ZNF557: variants seen among roughly 807,000 people sequenced by gnomAD.
The protein encoded by ZNF557 is zinc finger protein 557.
In ZNF557, 19 loss-of-function variants were observed where a neutral mutation model predicts 21.2. That is an observed-to-expected ratio of 0.90 (90% CI 0.63 to 1.32). The LOEUF is 1.32. Among genes scored for constraint, ZNF557 ranks in the 40% most tolerant of loss-of-function variants. The pLI, the probability that ZNF557 is intolerant of heterozygous loss-of-function variation, is 0.00. For synonymous variants in ZNF557, 207 were observed against 194.8 expected, an observed-to-expected ratio of 1.06 and a Z score of -0.52; for missense variants, 487 against 519.8, an observed-to-expected ratio of 0.94 and a Z score of 0.61.
Position 7,083,465 on chromosome 19 carries a change from C to G in ZNF557, c.1014C>G (p.His338Gln). The G allele has an allele frequency of 6.2e-7, 1 of 1,614,150 alleles. No homozygotes were observed. ...GGAGGAGGTCGAATCTGACACAGCA[C>G]ATAAGAACTCATACTGGAGAAAAAC... Reference protein sequence around the residue: ...TFRRRSNLTQHIRTHTGEKPY... With the variant: ...TFRRRSNLTQQIRTHTGEKPY... Residue 338 changes from histidine (H) to glutamine (Q), a missense_variant, in exon 8 of 8, where the codon CAC becomes CAG. Coordinates refer to ENST00000252840, the MANE Select transcript of ZNF557 (RefSeq NM_024341.3).
rs1427407291 is a variant in ZNF557 at position 7,087,490 on chromosome 19, T to C, written c.*3746T>C. 4 of 150,456 alleles carry C rather than the reference T, an allele frequency of 2.7e-5. No homozygotes were observed. Among genetic ancestry groups the C allele is most frequent in the Non-Finnish European group, 5.9e-5 (4 of 67,742 alleles). The allele number at this position is 150,456 out of a possible 1,614,324, so 9.3% of individuals were successfully genotyped here. A position where few individuals can be genotyped will look rare whatever the true frequency, so the allele number is the denominator to read the frequency against. ...GGGCAGAGGTTGCAGTGAGCCAAGG[T>C]TGACCCACTGCACTCCAGCCTGGGC... On this transcript the variant is annotated 3_prime_UTR_variant, in exon 8 of 8. Coordinates refer to ENST00000252840, the MANE Select transcript of ZNF557 (RefSeq NM_024341.3).
chr19:7,076,483 A>C lies in ZNF557; in HGVS notation c.223A>C (p.Asn75His). The change falls in exon 5 of 8, where the codon AAC (asparagine) becomes CAC (histidine). Residue 75 changes from asparagine to histidine, a missense_variant. Transcript: ENST00000252840. ...RTLYRDVMLE[N>H]CRNLASLGNQ... ...ACTGTACAGGGACGTGATGCTGGAGAACTGCAGGAACCTGGCCTCACTGGG... is the reference window on the plus strand; with the variant it reads ...ACTGTACAGGGACGTGATGCTGGAGCACTGCAGGAACCTGGCCTCACTGGG... The C allele has an allele frequency of 6.2e-7, 1 of 1,614,118 alleles. No homozygotes were observed.
intron 2 of ZNF557, among the ~76,000 whole-genome samples, chr19:7,074,661 G>A (rs1397783576): frequency 1.3e-5 from 2 of 150,156 alleles, no homozygotes; most frequent in Non-Finnish European, 3.0e-5. Flanking sequence ...GAAATGAGGG[G>A]TAGTGACATC....
At chr19:7,081,221 A>G in intron 5 of ZNF557, 139 bp from the exon 6 acceptor site, 2 of 554,726 alleles carry the variant, frequency 3.6e-6, no homozygotes, top group South Asian at 1.9e-5. Flanking sequence ...GACGGTTGCT[A>G]TATTTATTCA....
chr19:7,075,297 C>G (rs574832335), intron 3 of ZNF557, among the ~76,000 whole-genome samples, 192 bp downstream of exon 3: 1 of 152,124 alleles, frequency 6.6e-6, no homozygotes, highest in East Asian at 1.9e-4. Context: ...TGGATGTCAC[C>G]TGTGTGGTGA....
chr19:7,083,454 C>T lies in ZNF557; in HGVS notation c.1003C>T (p.Leu335=). 8.7e-6 allele frequency: 14 copies of T among 1,614,170 alleles called. No individual in the cohort carries two copies. Among genetic ancestry groups the T allele is most frequent in the Non-Finnish European group, 1.2e-5 (14 of 1,180,028 alleles). Residue 335 remains leucine (L), a synonymous_variant, in exon 8 of 8, where the codon CTG becomes TTG. Coordinates refer to ENST00000252840, the MANE Select transcript of ZNF557 (RefSeq NM_024341.3). ...GAGAACCTTCAGGAGGAGGTCGAAT[C>T]TGACACAGCACATAAGAACTCATAC... is the stretch of plus-strand genomic sequence containing the variant. ...CGRTFRRRSN[L]TQHIRTHTGE...
rs1234517322 is a variant in ZNF557, at chr19:7,070,632, C to G, written c.-101C>G. ...TCAAGTTTCACCTATCCTCACTGAT[C>G]CGTGGACTTCTGTATGATCAGGTAG... is the stretch of plus-strand genomic sequence containing the variant. On this transcript the variant is annotated 5_prime_UTR_variant, in exon 2 of 8. In the 5' UTR this introduces an upstream ATG that the reference lacks. Transcript: ENST00000252840. The G allele has an allele frequency of 2.0e-5, 3 of 152,158 alleles. No individual in the cohort carries two copies. The highest frequency in any genetic ancestry group is 7.2e-5 in the African/African-American group (3 of 41,436). 9.4% of individuals were successfully genotyped at this position (152,158 alleles called of 1,614,324 possible). A position where few individuals can be genotyped will look rare whatever the true frequency, so the allele number is the denominator to read the frequency against.
intron 2 of ZNF557, among the ~76,000 whole-genome samples, chr19:7,073,146 TGG>T (rs202073872): frequency 0.15 from 15,390 of 106,016 alleles, 991 homozygotes; most frequent in Admixed American, 0.2. Context: ...TTTGTTTTTT[TGG>T]TTTTTTTTGT....
chr19:7,083,926 A>G lies in ZNF557; in HGVS notation c.*182A>G, dbSNP rs1274484221. The G allele has an allele frequency of 2.3e-5, 14 of 620,876 alleles. No homozygotes were observed. The highest frequency in any genetic ancestry group is 3.6e-5 in the Non-Finnish European group (13 of 359,102). 38.5% of individuals were successfully genotyped at this position (620,876 alleles called of 1,614,324 possible). On this transcript the variant is annotated 3_prime_UTR_variant, in exon 8 of 8. Transcript: ENST00000252840. ...TGTAGGTCAGGAATTCAGAAACAAC[A>G]TAGCTCTATAGTTCTTCAGGATATC...
intron 2 of ZNF557, among the ~76,000 whole-genome samples, chr19:7,072,298 C>T (rs898214816): frequency 2.2e-4 from 34 of 151,680 alleles, no homozygotes; most frequent in African/African-American, 8.2e-4. Flanking sequence ...GTGGTGGGCA[C>T]CTATGATCCC....
In ZNF557 at chr19:7,082,938, A is replaced by G; in HGVS notation, c.487A>G (p.Thr163Ala). The G allele has an allele frequency of 1.9e-6, 3 of 1,612,720 alleles. No homozygotes were observed. The highest frequency in any genetic ancestry group is 2.2e-5 in the South Asian group (2 of 90,878). ...TAATCAGTGTTTTAAAGTCTTCAGC[A>G]CAAAATCTTCCCTTACACGGCACAG... ...ECNQCFKVFS[T>A]KSSLTRHRKI... is the part of the protein sequence containing the mutation. The change falls in exon 8 of 8, where the codon ACA becomes GCA. Residue 163 changes from threonine to alanine, a missense_variant. Coordinates refer to ENST00000252840, the MANE Select transcript of ZNF557 (RefSeq NM_024341.3).
intron 5 of ZNF557, among the ~76,000 whole-genome samples, chr19:7,078,435 CTT>C (rs761023620): frequency 1.4e-4 from 20 of 141,386 alleles, no homozygotes; most frequent in Admixed American, 2.1e-4. Flanking sequence ...ACATATATTC[CTT>C]TTTTTTTTTT....
rs188770748 is a variant in ZNF557, at chr19:7,070,045, C to T, written c.-172+272C>T. 2.6e-5 allele frequency among the ~76,000 whole-genome samples: 4 copies of T among 152,278 alleles called. 1 individual carries two copies. The highest frequency in any genetic ancestry group is 2.6e-4 in the Admixed American group (4 of 15,296). ...ATGGAGGGTAGGAGGGACTGTGCTA[C>T]TACTGTAATCTAGAGGGTGGAGGCC... On this transcript the variant is annotated intron_variant, in intron 1 of 7. Transcript: ENST00000252840.
Position 7,083,703 on chromosome 19 carries a change from T to G in ZNF557, c.1252T>G (p.Tyr418Asp). 1 of 1,613,378 alleles carries G rather than the reference T, an allele frequency of 6.2e-7. No homozygotes were observed. Among genetic ancestry groups the G allele is most frequent in the Non-Finnish European group, 8.5e-7 (1 of 1,179,654 alleles). The stretch of plus-strand genomic sequence containing the variant: ...CGGGAAATCCTTCACAAGTAACTCC[T>G]ACCTTTCTGTGCATACGAGAATGCA... ...YCGKSFTSNS[Y>D]LSVHTRMHNR... Residue 418 changes from tyrosine to aspartate, a missense_variant, in exon 8 of 8, where the codon TAC becomes GAC. Tyr to Asp is a radical substitution (Grantham distance 160). Transcript: ENST00000252840.
chr19:7,084,048 T>C lies in ZNF557; in HGVS notation c.*304T>C, dbSNP rs929286259. 4 of 305,506 alleles carry C rather than the reference T, an allele frequency of 1.3e-5. No individual in the cohort carries two copies. The highest frequency in any genetic ancestry group is 6.6e-5 in the African/African-American group (3 of 45,622). The allele number at this position is 305,506 out of a possible 1,614,324, so 18.9% of individuals were successfully genotyped here. ...CCAAATGGCTTACAAGCCCGACAAGTGCATGCTAGCTGTTTCCAAGGGAGC... is the reference window on the plus strand; with the variant it reads ...CCAAATGGCTTACAAGCCCGACAAGCGCATGCTAGCTGTTTCCAAGGGAGC... On this transcript the variant is annotated 3_prime_UTR_variant, in exon 8 of 8. Coordinates refer to ENST00000252840, the MANE Select transcript of ZNF557 (RefSeq NM_024341.3).
At chr19:7,079,297 A>C (rs867127092) in intron 5 of ZNF557, among the ~76,000 whole-genome samples, 25 of 134,414 alleles carry the variant, frequency 1.9e-4, no homozygotes, top group South Asian at 9.1e-4. Context: ...GCTGGAGTGC[A>C]GTGGTGCAAT....
intron 2 of ZNF557, among the ~76,000 whole-genome samples, chr19:7,072,322 G>A (rs552650707): frequency 6.6e-6 from 1 of 151,998 alleles, no homozygotes; most frequent in South Asian, 2.1e-4. Context: ...TACTCGGGAG[G>A]CTGAGGCAGA....
rs113002807 is a variant in ZNF557 at position 7,070,916 on chromosome 19, C to A, written c.-80+263C>A. Among the ~76,000 whole-genome samples, 948 of 152,194 alleles carry A rather than the reference C, an allele frequency of 6.2e-3. 10 individuals carry two copies. The highest frequency in any genetic ancestry group is 0.011 in the Non-Finnish European group (751 of 67,994). ...AAGTAGCTGGAATGACAAGGGTGCACCACCACGCCCAGCTAATTTTTGTAT... is the reference window on the plus strand; with the variant it reads ...AAGTAGCTGGAATGACAAGGGTGCAACACCACGCCCAGCTAATTTTTGTAT... On this transcript the variant is annotated intron_variant, in intron 2 of 7. Coordinates refer to ENST00000252840, the MANE Select transcript of ZNF557 (RefSeq NM_024341.3).
chr19:7,070,985 C>T (rs1022063747), intron 2 of ZNF557, among the ~76,000 whole-genome samples: 7 of 151,978 alleles, frequency 4.6e-5, no homozygotes, highest in African/African-American at 1.2e-4. Flanking sequence ...AGGCTGGTCT[C>T]GAACTCCTGA....
Sources: gnomAD v4.1 joint callset for allele counts (sites outside exome capture counted in the v4.1 genomes callset) on GRCh38, gnomAD v4.1.1 for gene constraint, MANE v1.5 for transcripts, NCBI Gene and HGNC (gene_info 2026-07-23, HGNC 2026-07-21) for gene names.